Variants in ERO1B observed in about 807,000 individuals in gnomAD.
ERO1B encodes the protein ERO1-like protein beta.
Under a neutral mutation model 75.3 loss-of-function variants are expected in ERO1B, and 49 were observed. That is an observed-to-expected ratio of 0.65 (90% CI 0.52 to 0.83). The LOEUF is 0.83. Among genes scored for constraint, ERO1B ranks in the 40% least tolerant of loss-of-function variants. The pLI is 0.00. For missense variants in ERO1B, 512 were observed against 560.1 expected (o/e 0.91, Z 0.87); for synonymous variants, 191 against 192.9 (o/e 0.99, Z 0.08).
At chr1:236,228,885 T>C (rs1664335833) in intron 10 of ERO1B, among the ~76,000 whole-genome samples, 1 of 152,208 alleles carries the variant, frequency 6.6e-6, no homozygotes. Context: ...GGAAGAATGG[T>C]TGATATAATA....
chr1:236,231,919 T>G (rs1452158097), intron 9 of ERO1B, among the ~76,000 whole-genome samples: 1 of 152,188 alleles, frequency 6.6e-6, no homozygotes, highest in African/African-American at 2.4e-5. Context: ...TAATTTAAAC[T>G]ACCACTATAT....
At chr1:236,248,115 C>G (rs562610224) in intron 5 of ERO1B, among the ~76,000 whole-genome samples, 23 of 152,092 alleles carry the variant, frequency 1.5e-4, no homozygotes, top group Non-Finnish European at 3.1e-4. Flanking sequence ...TTATCCATTA[C>G]GCTACTGGAT....
At chr1:236,275,740 T>C (rs1665696844) in intron 1 of ERO1B, among the ~76,000 whole-genome samples, 1 of 152,304 alleles carries the variant, frequency 6.6e-6, no homozygotes, top group South Asian at 2.1e-4. Context: ...ACAAGTGTGA[T>C]TGAAAGGGGC....
rs192229931 is a variant in ERO1B, at chr1:236,267,597, C to T, written c.222+2278G>A. ...GAGATGGTTTTTGATACAAGAAACA[C>T]TTCCCCCACTGTATTACATTGAGCA... is the stretch of plus-strand genomic sequence containing the variant. On this transcript the variant is annotated intron_variant, in intron 2 of 15. Coordinates refer to ENST00000354619, the MANE Select transcript of ERO1B (RefSeq NM_019891.4). 2.7e-4 allele frequency among the ~76,000 whole-genome samples: 41 copies of T among 152,300 alleles called. 1 individual carries two copies. The East Asian group carries it at 7.7e-3, about 29-fold the overall frequency.
rs546405338 is a variant in ERO1B at position 236,246,621 on chromosome 1, A to G, written c.432-3126T>C. On this transcript the variant is annotated intron_variant, in intron 5 of 15. Transcript: ENST00000354619. ...CCAAAAACATGAATGAATCTCAGAC[A>G]CATGTTAACAAAAAGAAGCCAGATA... 1.3e-3 allele frequency among the ~76,000 whole-genome samples: 198 copies of G among 152,370 alleles called. 1 individual carries two copies. The highest frequency in any genetic ancestry group is 4.2e-3 in the African/African-American group (176 of 41,590).
chr1:236,264,936 C>T (rs1336373718), intron 2 of ERO1B, among the ~76,000 whole-genome samples: 1 of 152,088 alleles, frequency 6.6e-6, no homozygotes, highest in African/African-American at 2.4e-5. Context: ...CATTAAAGGC[C>T]CAGGCTTCAC....
chr1:236,250,245 G>A (rs182440924), intron 4 of ERO1B, among the ~76,000 whole-genome samples: 23 of 152,122 alleles, frequency 1.5e-4, no homozygotes, highest in Non-Finnish European at 2.5e-4. Flanking sequence ...CAAGGCGGGC[G>A]GATCACTTGA....
At position 236,255,106 on chromosome 1, in the gene ERO1B, T is replaced by C. The variant is rs565677088; in HGVS notation, c.223-1601A>G. Among the ~76,000 whole-genome samples, 6 of 151,774 alleles carry C rather than the reference T, an allele frequency of 4.0e-5. No individual in the cohort carries two copies. The East Asian group carries it at 1.2e-3, about 29-fold the overall frequency. On this transcript the variant is annotated intron_variant, in intron 2 of 15. Coordinates refer to ENST00000354619, the MANE Select transcript of ERO1B (RefSeq NM_019891.4). The stretch of plus-strand genomic sequence containing the variant: ...TGGCTAATTTTTTTTTTCTTTCTTT[T>C]TTTTTTTTAAGTAGAGACAAGGTCT...
rs1664121905 is a variant in ERO1B, at chr1:236,220,914, G to C, written c.1261C>G (p.Gln421Glu). ...GATGGACTATTCTCTGGAAGCTTTT[G>C]GATTTCTTTTTCAGAGAATAATATC... Reference protein sequence around the residue: ...LKILFSEKEIQKLPENSPSKG... With the variant: ...LKILFSEKEIEKLPENSPSKG... Residue 421 changes from glutamine to glutamate, a missense_variant, in exon 15 of 16, where the codon CAA (glutamine) becomes GAA (glutamate). Gln to Glu is a conservative substitution (Grantham distance 29). Coordinates refer to ENST00000354619, the MANE Select transcript of ERO1B (RefSeq NM_019891.4). The C allele has an allele frequency of 6.2e-7, 1 of 1,602,426 alleles. No homozygotes were observed. The highest frequency in any genetic ancestry group is 1.1e-5 in the South Asian group (1 of 88,088).
chr1:236,232,726 C>A, intron 9 of ERO1B, 102 bp downstream of exon 9: 3 of 956,908 alleles, frequency 3.1e-6, no homozygotes, highest in East Asian at 2.8e-5. Flanking sequence ...TCTTAGAAAA[C>A]AGGAATACTT....
At chr1:236,266,191 A>G (rs1665431275) in intron 2 of ERO1B, among the ~76,000 whole-genome samples, 1 of 152,272 alleles carries the variant, frequency 6.6e-6, no homozygotes, top group Admixed American at 6.5e-5. Flanking sequence ...AAGGAAAGGA[A>G]TAAGAAGTAA....
At position 236,220,749 on chromosome 1, in the gene ERO1B, T is replaced by C. The variant is rs6667788; in HGVS notation, c.1343+83A>G. Reference sequence around the variant, plus strand: ...TTTTTTTTGTCAACAAAACAAACCCTACTTTTAGCAAAGAAGATTATCTTT... The same window carrying C: ...TTTTTTTTGTCAACAAAACAAACCCCACTTTTAGCAAAGAAGATTATCTTT... On this transcript the variant is annotated intron_variant, in intron 15 of 15. Coordinates refer to ENST00000354619, the MANE Select transcript of ERO1B (RefSeq NM_019891.4). The C allele has an allele frequency of 3.8e-3, 5,182 of 1,374,088 alleles. 166 individuals carry two copies. In the African/African-American group the frequency reaches 0.069, roughly 18 times the overall value. 85.1% of individuals were successfully genotyped at this position (1,374,088 alleles called of 1,614,324 possible). A position where few individuals can be genotyped will look rare whatever the true frequency, so the allele number is the denominator to read the frequency against.
At chr1:236,245,297 A>AATATATAT (rs35564350) in intron 5 of ERO1B, among the ~76,000 whole-genome samples, 1 of 34,788 alleles carries the variant, frequency 2.9e-5, no homozygotes, top group African/African-American at 1.1e-4. Flanking sequence ...GCCCAGTCAA[A>AATATATAT]ATATATATAT....
intron 10 of ERO1B, among the ~76,000 whole-genome samples, chr1:236,227,629 C>A (rs1332468876): frequency 6.6e-6 from 1 of 152,138 alleles, no homozygotes; most frequent in African/African-American, 2.4e-5. Flanking sequence ...TTTCCCCATG[C>A]AGGAAAATGG....
chr1:236,224,360 A>T (rs2102939307), intron 13 of ERO1B, among the ~76,000 whole-genome samples: 1 of 152,138 alleles, frequency 6.6e-6, no homozygotes. Context: ...TTGTGCCTGT[A>T]ATCCTAGGTA....
Position 236,252,100 on chromosome 1 carries a change from A to G in ERO1B, c.307-9T>C, listed in dbSNP as rs1665042841. The G allele has an allele frequency of 6.3e-7, 1 of 1,593,906 alleles. No individual in the cohort carries two copies. The highest frequency in any genetic ancestry group is 1.7e-5 in the Admixed American group (1 of 57,902). On this transcript the variant is annotated splice_polypyrimidine_tract_variant and intron_variant, in intron 3 of 15. Coordinates refer to ENST00000354619, the MANE Select transcript of ERO1B (RefSeq NM_019891.4). ...CCAACCGGAATTTTACTCTTAAAAA[A>G]ACAAGAAAAGCAAAAAAATTTTTAA...
intron 6 of ERO1B, among the ~76,000 whole-genome samples, chr1:236,242,017 G>A (rs10924839): frequency 2.0e-5 from 3 of 149,762 alleles, no homozygotes; most frequent in Non-Finnish European, 4.4e-5. Flanking sequence ...GCAGTGAGCC[G>A]AGATTGTGCC....
intron 2 of ERO1B, among the ~76,000 whole-genome samples, chr1:236,265,385 A>G (rs1341134100): frequency 2.6e-5 from 4 of 152,180 alleles, no homozygotes; most frequent in Non-Finnish European, 5.9e-5. Context: ...ACATATATGT[A>G]CATTTGTGCT....
At chr1:236,277,488 G>A (rs945380773) in intron 1 of ERO1B, among the ~76,000 whole-genome samples, 1 of 151,882 alleles carries the variant, frequency 6.6e-6, no homozygotes, top group African/African-American at 2.4e-5. Context: ...ATCCAGGAAA[G>A]AAAGAGAAGA....
Sources: gnomAD v4.1 joint callset for allele counts (sites outside exome capture counted in the v4.1 genomes callset) on GRCh38, gnomAD v4.1.1 for gene constraint, MANE v1.5 for transcripts, NCBI Gene and HGNC (gene_info 2026-07-23, HGNC 2026-07-21) for gene names.